Variants in OTOP1 observed in about 807,000 individuals in gnomAD.
The protein encoded by OTOP1 is otopetrin 1, also known as proton channel OTOP1.
A neutral mutation model predicts 52.9 loss-of-function variants in OTOP1; 59 were observed. The observed-to-expected ratio is 1.12, with a 90% CI of 0.91 to 1.39. The LOEUF is 1.39. Ranked by LOEUF, OTOP1 falls within the 40% of genes most tolerant of loss-of-function variation. The pLI is 0.00. For synonymous variants in OTOP1, 317 were observed against 337.7 expected (o/e 0.94, Z 0.67); for missense variants, 761 against 800.9 (o/e 0.95, Z 0.60).
intron 5 of OTOP1, among the ~76,000 whole-genome samples, chr4:4,195,037 A>G (rs1430367218): frequency 3.9e-5 from 6 of 152,112 alleles, no homozygotes; most frequent in African/African-American, 1.4e-4. Context: ...TCCTTGCTAC[A>G]TACAGCTACT....
intron 2 of OTOP1, among the ~76,000 whole-genome samples, chr4:4,207,455 G>A (rs1197211062): frequency 6.6e-6 from 1 of 151,994 alleles, no homozygotes; most frequent in Non-Finnish European, 1.5e-5. Flanking sequence ...AGCAAATGCT[G>A]GTTTCAGTTG....
intron 5 of OTOP1, among the ~76,000 whole-genome samples, chr4:4,194,708 G>C (rs1041713209): frequency 2.6e-4 from 39 of 152,332 alleles, no homozygotes; most frequent in Middle Eastern, 6.8e-3. Flanking sequence ...TGATAACGGA[G>C]GCTGGTAGCA....
chr4:4,202,614 T>C, intron 3 of OTOP1, 36 bp from the exon 4 acceptor site: 1 of 1,610,336 alleles, frequency 6.2e-7, no homozygotes, highest in Admixed American at 1.7e-5. Context: ...CAAGCAGCCC[T>C]GGGAGAGCCT....
At chr4:4,193,635 A>G (rs1444842724) in intron 5 of OTOP1, among the ~76,000 whole-genome samples, 1 of 152,116 alleles carries the variant, frequency 6.6e-6, no homozygotes, top group Non-Finnish European at 1.5e-5. Flanking sequence ...CTCTGCTTCA[A>G]TCCCCCAGAA....
At chr4:4,219,863 A>G (rs1482535836) in intron 1 of OTOP1, among the ~76,000 whole-genome samples, 2 of 146,834 alleles carry the variant, frequency 1.4e-5, no homozygotes, top group Non-Finnish European at 3.0e-5. Context: ...ACATGTATAT[A>G]TGTATACATA....
At chr4:4,213,307 G>A (rs551832773) in intron 1 of OTOP1, among the ~76,000 whole-genome samples, 23 of 152,210 alleles carry the variant, frequency 1.5e-4, no homozygotes, top group Non-Finnish European at 2.8e-4. Flanking sequence ...AAGAAGACAT[G>A]GGAGAAAGCT....
At chr4:4,217,720 G>A (rs1166443793) in intron 1 of OTOP1, among the ~76,000 whole-genome samples, 1 of 152,168 alleles carries the variant, frequency 6.6e-6, no homozygotes, top group Non-Finnish European at 1.5e-5. Flanking sequence ...GAGGTTGAAG[G>A]TACATGGGCA....
chr4:4,220,111 T>A (rs1442324791), intron 1 of OTOP1, among the ~76,000 whole-genome samples: 2 of 136,992 alleles, frequency 1.5e-5, no homozygotes, highest in East Asian at 4.0e-4. Flanking sequence ...ATATATTTTT[T>A]TTTTTTTTGA....
intron 4 of OTOP1, among the ~76,000 whole-genome samples, chr4:4,201,357 G>A (rs1216988245): frequency 6.6e-6 from 1 of 151,980 alleles, no homozygotes; most frequent in East Asian, 1.9e-4. Context: ...AACCTGGGAG[G>A]CAGAGGTTGC....
chr4:4,205,771 C>A (rs1027878304), intron 3 of OTOP1, among the ~76,000 whole-genome samples: 2 of 152,184 alleles, frequency 1.3e-5, no homozygotes, highest in African/African-American at 2.4e-5. Flanking sequence ...AAAGAAATTA[C>A]ATTTTCTTCC....
intron 5 of OTOP1, among the ~76,000 whole-genome samples, chr4:4,191,150 T>G (rs1235356479): frequency 6.6e-6 from 1 of 152,020 alleles, no homozygotes; most frequent in Non-Finnish European, 1.5e-5. Context: ...CATCCTTATC[T>G]CCCTCCTACT....
chr4:4,212,682 A>C (rs570738008), intron 2 of OTOP1, among the ~76,000 whole-genome samples, 186 bp downstream of exon 2: 43 of 152,340 alleles, frequency 2.8e-4, no homozygotes, highest in South Asian at 2.1e-3. Flanking sequence ...CCATGGGGAC[A>C]CAGAGTTTTA....
At chr4:4,202,790 G>A (rs373964752) in intron 3 of OTOP1, among the ~76,000 whole-genome samples, 11 of 152,258 alleles carry the variant, frequency 7.2e-5, no homozygotes, top group South Asian at 4.1e-4. Flanking sequence ...GCATTCAGCC[G>A]TAGTCTTGAA....
At chr4:4,206,044 A>G in intron 3 of OTOP1, 28 bp downstream of exon 3, 1 of 1,561,800 alleles carries the variant, frequency 6.4e-7, no homozygotes, top group East Asian at 2.2e-5. Flanking sequence ...CAAATTCAAC[A>G]TATAAAGCAA....
intron 1 of OTOP1, among the ~76,000 whole-genome samples, chr4:4,217,234 G>T (rs1194646060): frequency 1.3e-5 from 2 of 152,214 alleles, no homozygotes; most frequent in Admixed American, 6.5e-5. Context: ...ATGAGGCATT[G>T]TGTCAAGGGC....
At position 4,212,869 on chromosome 4, in the gene OTOP1, T is replaced by C. The variant is rs1717055221; in HGVS notation, c.539A>G (p.Gln180Arg). Residue 180 changes from glutamine (Q) to arginine (R), a missense_variant and splice_region_variant, in exon 2 of 6, where the codon CAG becomes CGG. Coordinates refer to ENST00000296358, the MANE Select transcript of OTOP1 (RefSeq NM_177998.3). ...TATAAATAAACATCAGTGGTTTACC[T>C]GCAACAAAGTATGCACTGAATGGGT... ...PVTHSVHTLL[Q>R]VYFLWGHAKD... The C allele has an allele frequency of 6.2e-7, 1 of 1,613,976 alleles. No homozygotes were observed. The highest frequency in any genetic ancestry group is 8.5e-7 in the Non-Finnish European group (1 of 1,179,850).
At chr4:4,200,308 T>C (rs1012937383) in intron 4 of OTOP1, among the ~76,000 whole-genome samples, 4 of 151,936 alleles carry the variant, frequency 2.6e-5, no homozygotes, top group Non-Finnish European at 4.4e-5. Flanking sequence ...ATCCTGGCTC[T>C]ACTAAAAATA....
Position 4,217,556 on chromosome 4 carries a change from T to C in OTOP1, c.404-4552A>G, listed in dbSNP as rs550621846. ...CATGGGCCAGGCATTGTCCCAGGCA[T>C]TGAAGATATAAAGGTCAATAAAATA... is the stretch of plus-strand genomic sequence containing the variant. On this transcript the variant is annotated intron_variant, in intron 1 of 5. Transcript: ENST00000296358. 7.0e-3 allele frequency among the ~76,000 whole-genome samples: 1,070 copies of C among 152,328 alleles called. 19 individuals carry two copies. The highest frequency in any genetic ancestry group is 0.024 in the African/African-American group (1,008 of 41,578).
intron 1 of OTOP1, among the ~76,000 whole-genome samples, chr4:4,218,289 G>A (rs534562736): frequency 6.6e-6 from 1 of 152,056 alleles, no homozygotes; most frequent in South Asian, 2.1e-4. Flanking sequence ...CTACTTGGGA[G>A]GCTGAGGCAG....
Sources: allele counts gnomAD v4.1 joint callset (sites outside exome capture counted in the v4.1 genomes callset), GRCh38; gene constraint gnomAD v4.1.1; transcripts MANE v1.5; gene names NCBI Gene and HGNC (gene_info 2026-07-23, HGNC 2026-07-21).